Variants in NRAP observed in about 807,000 individuals in gnomAD.
NRAP encodes the protein nebulin related anchoring protein.
NRAP carries 189 observed loss-of-function variants against 225.9 expected under a neutral mutation model. The observed-to-expected ratio is 0.84, with a 90% CI of 0.74 to 0.94. The LOEUF (loss-of-function observed/expected upper bound fraction) is 0.94. NRAP is among the 40% of genes least tolerant of loss of function. NRAP has a pLI of 0.00. For synonymous variants in NRAP, 769 were observed against 790.7 expected (o/e 0.97, Z 0.46); for missense variants, 2,176 against 2,168.7 (o/e 1.00, Z -0.07).
chr10:113,615,899 C>A, intron 26 of NRAP, 83 bp from the exon 27 acceptor site: 1 of 778,824 alleles, frequency 1.3e-6, no homozygotes, highest in Non-Finnish European at 2.3e-6. Context: ...AGAGTCCAAG[C>A]TGCTGCAGCT....
chr10:113,591,802 A>C (rs951928725), intron 39 of NRAP, among the ~76,000 whole-genome samples: 1 of 152,208 alleles, frequency 6.6e-6, no homozygotes, highest in African/African-American at 2.4e-5. Context: ...TTCCTAAGTG[A>C]CTGAGCCAGG....
chr10:113,632,122 T>A (rs769593946), intron 16 of NRAP, among the ~76,000 whole-genome samples, 158 bp from the exon 17 acceptor site: 3 of 152,248 alleles, frequency 2.0e-5, no homozygotes, highest in Admixed American at 2.0e-4. Flanking sequence ...ACACAGTTAA[T>A]TGATTCCTTC....
intron 32 of NRAP, among the ~76,000 whole-genome samples, chr10:113,607,949 T>A (rs1169641881): frequency 2.6e-5 from 4 of 152,248 alleles, no homozygotes; most frequent in African/African-American, 9.6e-5. Flanking sequence ...TTGAGAAGCC[T>A]GACAAACATC....
chr10:113,596,848 A>T (rs988695109), intron 37 of NRAP, among the ~76,000 whole-genome samples: 5 of 152,200 alleles, frequency 3.3e-5, no homozygotes, highest in Non-Finnish European at 2.9e-5. Context: ...TGCTATTATT[A>T]TCCTCCCCGA....
chr10:113,606,001 A>T, intron 33 of NRAP, 132 bp from the exon 34 acceptor site: 1 of 792,830 alleles, frequency 1.3e-6, no homozygotes, highest in Non-Finnish European at 2.2e-6. Flanking sequence ...ATTAGTACAC[A>T]CCCTGGGTAC....
At chr10:113,589,403 C>G (rs893241507) in intron 41 of NRAP, 10 of 576,994 alleles carry the variant, frequency 1.7e-5, no homozygotes, top group Non-Finnish European at 2.7e-5. Flanking sequence ...TGCCCTGGCC[C>G]GGGATTGATG....
chr10:113,604,950 T>G, intron 34 of NRAP, 30 bp from the exon 35 acceptor site: 1 of 1,592,762 alleles, frequency 6.3e-7, no homozygotes, highest in Admixed American at 1.7e-5. Context: ...GGTCAAATTC[T>G]ATCTGTGCGT....
Position 113,589,528 on chromosome 10 carries a change from C to T in NRAP, c.5088+138G>A, listed in dbSNP as rs77529465. 2.3e-4 allele frequency: 231 copies of T among 993,948 alleles called. 1 individual carries two copies. The East Asian group carries it at 4.7e-3, about 20-fold the overall frequency. The allele number at this position is 993,948 out of a possible 1,614,324, so 61.6% of individuals were successfully genotyped here. A position where few individuals can be genotyped will look rare whatever the true frequency, so the allele number is the denominator to read the frequency against. ...GTCATCTCAGACCCATGAAATTAGG[C>T]GCCTTGTTTGAGCTGCGTTTCACAC... On this transcript the variant is annotated intron_variant, in intron 41 of 41. Transcript: ENST00000359988.
In NRAP at chr10:113,631,557, G is replaced by A. The variant is rs147401897; in HGVS notation, c.1794C>T (p.Ala598=). ...EKTKGKAMGT[A]DSRLLHSLQI... ...GCAGGGAGTGCAGAAGCCTAGAGTC[G>A]GCTGTTCCCATGGCTTTGCCTTTTG... is the stretch of plus-strand genomic sequence containing the variant. The change falls in exon 18 of 42, where the codon GCC becomes GCT. Residue 598 remains alanine (A), a synonymous_variant. Coordinates refer to ENST00000359988, the MANE Select transcript of NRAP (RefSeq NM_198060.4). 4.3e-5 allele frequency: 69 copies of A among 1,613,358 alleles called. No homozygotes were observed. Among genetic ancestry groups the A allele is most frequent in the Middle Eastern group, 3.3e-4 (2 of 6,054 alleles).
chr10:113,640,198 G>T, intron 14 of NRAP, 29 bp downstream of exon 14: 1 of 1,306,962 alleles, frequency 7.7e-7, no homozygotes, highest in Non-Finnish European at 1.1e-6. Context: ...AAGTGACAAA[G>T]CAGAAAGAGC....
chr10:113,641,505 A>G lies in NRAP; in HGVS notation c.1216-33T>C, dbSNP rs3121465. 826,178 of 1,331,064 alleles carry G rather than the reference A, an allele frequency of 0.62. 261,554 individuals are homozygous for G. The highest frequency in any genetic ancestry group is 0.73 in the East Asian group (31,693 of 43,588). 82.5% of individuals were successfully genotyped at this position (1,331,064 alleles called of 1,614,324 possible). On this transcript the variant is annotated intron_variant, in intron 12 of 41. Transcript: ENST00000359988. The stretch of plus-strand genomic sequence containing the variant: ...GAAACGCAAAGTTTTCAACCAAAGC[A>G]TTCCCTTCACAAGTAGTTGAAGATA...
intron 8 of NRAP, 131 bp from the exon 9 acceptor site, chr10:113,650,272 A>G: frequency 2.6e-6 from 2 of 773,716 alleles, no homozygotes; most frequent in East Asian, 4.9e-5. Context: ...TCTCAGACAT[A>G]AAAGTGCCAG....
rs1439544723 is a variant in NRAP, at chr10:113,651,856, C to T, written c.622G>A (p.Val208Met). ...CTCCGTAGCAGCTCAGGAGTATCCA[C>T]CACCGTGGAGAACCTGGAGATGCGT... is the stretch of plus-strand genomic sequence containing the variant. ...DERISRFSTV[V>M]DTPELLRSKA... Residue 208 changes from valine (V) to methionine (M), a missense_variant, in exon 7 of 42, where the codon GTG becomes ATG. By Grantham distance (21) the Val-to-Met change is conservative (BLOSUM62 1). Coordinates refer to ENST00000359988, the MANE Select transcript of NRAP (RefSeq NM_198060.4). 1 of 1,613,406 alleles carries T rather than the reference C, an allele frequency of 6.2e-7. No homozygotes were observed. Among genetic ancestry groups the T allele is most frequent in the Admixed American group, 1.7e-5 (1 of 60,018 alleles).
At chr10:113,593,134 C>T (rs1234331238) in intron 38 of NRAP, among the ~76,000 whole-genome samples, 1 of 152,070 alleles carries the variant, frequency 6.6e-6, no homozygotes, top group Non-Finnish European at 1.5e-5. Context: ...TATTCAGCCA[C>T]AGAGAAGGGA....
chr10:113,609,555 G>A (rs542565464), intron 31 of NRAP, among the ~76,000 whole-genome samples: 9 of 152,300 alleles, frequency 5.9e-5, no homozygotes, highest in African/African-American at 1.9e-4. Context: ...AGAATTCTAA[G>A]ACTTCTTTAT....
intron 1 of NRAP, 73 bp from the exon 2 acceptor site, chr10:113,663,519 G>A (rs948198818): frequency 1.1e-6 from 1 of 951,094 alleles, no homozygotes; most frequent in Admixed American, 2.3e-5. Flanking sequence ...ATATTTTAGG[G>A]TAAAAAAATG....
rs1848993709 is a variant in NRAP, at chr10:113,638,217, T to C, written c.1428+2010A>G. Among the ~76,000 whole-genome samples, 3 of 152,250 alleles carry C rather than the reference T, an allele frequency of 2.0e-5. No homozygotes were observed. In the South Asian group the frequency reaches 6.2e-4, roughly 32 times the overall value. On this transcript the variant is annotated intron_variant, in intron 14 of 41. Transcript: ENST00000359988. ...CTTCCTGATAATTCTGCATTAAGTA[T>C]GTTACTGAGCACAATTACTTTACTC...
intron 14 of NRAP, among the ~76,000 whole-genome samples, chr10:113,637,432 G>A (rs1390333174): frequency 3.3e-5 from 5 of 152,224 alleles, no homozygotes; most frequent in Non-Finnish European, 7.3e-5. Flanking sequence ...GCCAAAGCTA[G>A]TGTGCTTAGA....
chr10:113,594,713 T>G (rs890888540), intron 38 of NRAP, among the ~76,000 whole-genome samples: 1 of 152,244 alleles, frequency 6.6e-6, no homozygotes, highest in African/African-American at 2.4e-5. Flanking sequence ...ATTCACTGCA[T>G]GGGATCCCAC....
Sources: gnomAD v4.1 joint callset for allele counts (sites outside exome capture counted in the v4.1 genomes callset) on GRCh38, gnomAD v4.1.1 for gene constraint, MANE v1.5 for transcripts, NCBI Gene and HGNC (gene_info 2026-07-23, HGNC 2026-07-21) for gene names.